GALNT2: variants seen among roughly 807,000 people sequenced by gnomAD.
The protein encoded by GALNT2 is polypeptide N-acetylgalactosaminyltransferase 2, also known as UDP-GalNAc:polypeptide N-acetylgalactosaminyltransferase 2.
Under a neutral mutation model 81.4 loss-of-function variants are expected in GALNT2, and 31 were observed. That is an observed-to-expected ratio of 0.38 (90% CI 0.29 to 0.51). The LOEUF (loss-of-function observed/expected upper bound fraction) is 0.51, where lower values mean the gene tolerates loss of function less well. GALNT2 is among the 20% of genes least tolerant of loss of function. The probability of loss-of-function intolerance (pLI) is 0.87; values close to 1 mark genes in which losing one functional copy is unlikely to be tolerated. For missense variants in GALNT2, 629 were observed against 765.7 expected (o/e 0.82, Z 2.11); for synonymous variants, 303 against 287.4 (o/e 1.05, Z -0.55).
At chr1:230,099,433 G>A (rs1418004180) in intron 1 of GALNT2, among the ~76,000 whole-genome samples, 4 of 152,140 alleles carry the variant, frequency 2.6e-5, no homozygotes, top group Admixed American at 6.5e-5. Flanking sequence ...TCAAAAATGT[G>A]AATACACCAA....
intron 1 of GALNT2, among the ~76,000 whole-genome samples, chr1:230,108,844 G>A (rs530976242): frequency 4.6e-5 from 7 of 152,182 alleles, no homozygotes; most frequent in Admixed American, 2.0e-4. Context: ...GAGACTATCC[G>A]ACCGCATATC....
upstream of GALNT2, among the ~76,000 whole-genome samples, chr1:230,062,640 C>T (rs184938413): frequency 3.6e-3 from 548 of 152,300 alleles, 3 homozygotes; most frequent in African/African-American, 0.012. Flanking sequence ...CTCATTTCAT[C>T]TAGCATATTG....
intron 15 of GALNT2, among the ~76,000 whole-genome samples, chr1:230,278,116 T>TC (rs1558175705): frequency 1.3e-5 from 2 of 149,512 alleles, no homozygotes; most frequent in East Asian, 1.9e-4. Flanking sequence ...TTCTTTCTTT[T>TC]TTTTTTTTTT....
intron 3 of GALNT2, among the ~76,000 whole-genome samples, chr1:230,211,151 C>T (rs1237744672): frequency 2.6e-5 from 4 of 152,192 alleles, no homozygotes; most frequent in African/African-American, 9.6e-5. Context: ...CATAAACATG[C>T]GCCGCTGGCC....
At chr1:230,123,897 C>T (rs1340299778) in intron 1 of GALNT2, among the ~76,000 whole-genome samples, 1 of 152,118 alleles carries the variant, frequency 6.6e-6, no homozygotes, top group Non-Finnish European at 1.5e-5. Context: ...ACCAAACCCC[C>T]GAACCACACT....
chr1:230,266,197 A>AAAAC (rs57378356), intron 14 of GALNT2, among the ~76,000 whole-genome samples: 15 of 151,392 alleles, frequency 9.9e-5, no homozygotes, highest in Non-Finnish European at 2.1e-4. Flanking sequence ...TCTGTCTCAA[A>AAAAC]AAACAAACAA....
At chr1:230,127,413 C>G (rs1661220769) in intron 1 of GALNT2, among the ~76,000 whole-genome samples, 1 of 151,982 alleles carries the variant, frequency 6.6e-6, no homozygotes, top group Non-Finnish European at 1.5e-5. Context: ...GTATCGCACT[C>G]TCACCAGGCA....
intron 2 of GALNT2, 79 bp downstream of exon 2, chr1:230,178,390 G>A (rs756113397): frequency 7.0e-5 from 75 of 1,073,430 alleles, no homozygotes; most frequent in African/African-American, 9.4e-5. Flanking sequence ...TGGAGCAGGT[G>A]GTCTGTGGGG....
At chr1:230,222,839 G>C (rs920336940) in intron 3 of GALNT2, among the ~76,000 whole-genome samples, 1 of 152,100 alleles carries the variant, frequency 6.6e-6, no homozygotes. Context: ...TTGTTACTAA[G>C]ATTTGATAGT....
chr1:230,254,711 T>C (rs1665653905), intron 10 of GALNT2, among the ~76,000 whole-genome samples: 1 of 152,236 alleles, frequency 6.6e-6, no homozygotes, highest in Non-Finnish European at 1.5e-5. Context: ...TATATGGTTG[T>C]CTAGAATATG....
intron 1 of GALNT2, among the ~76,000 whole-genome samples, chr1:230,134,329 A>G (rs539229571): frequency 3.3e-5 from 5 of 152,096 alleles, no homozygotes; most frequent in Admixed American, 1.3e-4. Flanking sequence ...GGGTGGTCTC[A>G]ATCTCCTGAC....
intron 3 of GALNT2, among the ~76,000 whole-genome samples, chr1:230,214,407 C>T (rs1016398266): frequency 3.9e-5 from 6 of 152,150 alleles, no homozygotes; most frequent in Admixed American, 6.6e-5. Flanking sequence ...CCACCACGCC[C>T]GGCTTACTTT....
intron 1 of GALNT2, among the ~76,000 whole-genome samples, chr1:230,132,253 G>A (rs2102814376): frequency 6.6e-6 from 1 of 152,286 alleles, no homozygotes. Context: ...CTTCTGATTT[G>A]GTTTTCACTG....
At chr1:230,203,833 T>C (rs2102707524) in intron 3 of GALNT2, among the ~76,000 whole-genome samples, 1 of 152,222 alleles carries the variant, frequency 6.6e-6, no homozygotes, top group African/African-American at 2.4e-5. Context: ...CATCTTTCTT[T>C]CTATTTTTAG....
chr1:230,274,185 T>C (rs1365890042), intron 14 of GALNT2, among the ~76,000 whole-genome samples: 1 of 152,212 alleles, frequency 6.6e-6, no homozygotes, highest in Admixed American at 6.5e-5. Context: ...ATAGTTTTAT[T>C]TTAGTTACTG....
At chr1:230,160,177 A>C (rs549016436) in intron 1 of GALNT2, among the ~76,000 whole-genome samples, 109 of 152,218 alleles carry the variant, frequency 7.2e-4, no homozygotes, top group African/African-American at 2.6e-3. Flanking sequence ...AAATGATTCT[A>C]CTGTTAGTAT....
rs534684925 is a variant in GALNT2 at position 230,203,085 on chromosome 1, A to AGACT, written c.221-51_221-50insACTG. ...AACACTTACTGCAGTCTCTGTGATG[A>AGACT]GCACTTGGTCACATTTTCCCTCATC... On this transcript the variant is annotated intron_variant, in intron 2 of 15. Coordinates refer to ENST00000366672, the MANE Select transcript of GALNT2 (RefSeq NM_004481.5). 3.3e-4 allele frequency: 515 copies of AGACT among 1,567,914 alleles called. 3 individuals carry two copies. In the African/African-American group the frequency reaches 6.3e-3, roughly 19 times the overall value.
At chr1:230,096,961 T>A (rs1455513641) in intron 1 of GALNT2, among the ~76,000 whole-genome samples, 1 of 152,180 alleles carries the variant, frequency 6.6e-6, no homozygotes, top group Non-Finnish European at 1.5e-5. Context: ...AATGATTCCC[T>A]CTCCTTATTA....
intron 1 of GALNT2, among the ~76,000 whole-genome samples, chr1:230,108,847 C>CGACT (rs765877419): frequency 2.0e-5 from 3 of 152,086 alleles, no homozygotes; most frequent in East Asian, 1.9e-4. Flanking sequence ...ACTATCCGAC[C>CGACT]GCATATCGCT....
Sources: allele counts gnomAD v4.1 joint callset (sites outside exome capture counted in the v4.1 genomes callset), GRCh38; gene constraint gnomAD v4.1.1; transcripts MANE v1.5; gene names NCBI Gene and HGNC (gene_info 2026-07-23, HGNC 2026-07-21).